FSD1L: variants seen among roughly 807,000 people sequenced by gnomAD.
The protein encoded by FSD1L is FSD1-like protein.
In FSD1L, 45 loss-of-function variants were observed where a neutral mutation model predicts 71.6. The observed-to-expected ratio is 0.63, with a 90% CI of 0.49 to 0.81. The LOEUF (loss-of-function observed/expected upper bound fraction) is 0.81. FSD1L is among the 30% of genes least tolerant of loss of function. The pLI is 0.00. For missense variants in FSD1L, 561 were observed against 618.1 expected, an observed-to-expected ratio of 0.91 and a Z score of 0.98; for synonymous variants, 197 against 207.2, an observed-to-expected ratio of 0.95 and a Z score of 0.42.
intron 12 of FSD1L, among the ~76,000 whole-genome samples, chr9:105,537,797 TG>T (rs563957265): frequency 4.5e-4 from 68 of 152,000 alleles, no homozygotes; most frequent in African/African-American, 1.6e-3. Context: ...CTGAGTCTCT[TG>T]TTAGCTATTA....
chr9:105,484,386 C>T lies in FSD1L; in HGVS notation c.470C>T (p.Thr157Ile). The change falls in exon 7 of 14, where the codon ACA becomes ATA. Residue 157 changes from threonine (T) to isoleucine (I), a missense_variant. By Grantham distance (89) the Thr-to-Ile change is moderately conservative. Coordinates refer to ENST00000481272, the MANE Select transcript of FSD1L (RefSeq NM_001145313.3). ...TATGTTTGTGTTTACCGTAGAGTCACAATGGCTTCAGCCTTTCGCCTTTCT... is the reference window on the plus strand; with the variant it reads ...TATGTTTGTGTTTACCGTAGAGTCATAATGGCTTCAGCCTTTCGCCTTTCT... ...KAARQIKDRV[T>I]MASAFRLSLK... The T allele has an allele frequency of 6.6e-7, 1 of 1,513,470 alleles. No individual in the cohort carries two copies. Among genetic ancestry groups the T allele is most frequent in the Non-Finnish European group, 8.8e-7 (1 of 1,133,054 alleles). The allele number at this position is 1,513,470 out of a possible 1,614,324, so 93.8% of individuals were successfully genotyped here. A position where few individuals can be genotyped will look rare whatever the true frequency, so the allele number is the denominator to read the frequency against.
At chr9:105,493,907 G>A (rs1254745690) in intron 7 of FSD1L, among the ~76,000 whole-genome samples, 9 of 152,256 alleles carry the variant, frequency 5.9e-5, no homozygotes, top group Admixed American at 2.6e-4. Flanking sequence ...TGGATAACCC[G>A]ACCTTTCTCT....
chr9:105,459,326 A>T (rs1267773761), intron 1 of FSD1L, among the ~76,000 whole-genome samples: 1 of 152,202 alleles, frequency 6.6e-6, no homozygotes, highest in African/African-American at 2.4e-5. Flanking sequence ...TCTACTGAGC[A>T]CCAAGTTCCT....
At chr9:105,532,942 G>A (rs2768283) in intron 10 of FSD1L, among the ~76,000 whole-genome samples, 103,200 of 151,982 alleles carry the variant, frequency 0.68, 35,391 homozygotes, top group African/African-American at 0.76. Context: ...AAGTCACTGA[G>A]TCATATGAAA....
At chr9:105,456,600 G>A (rs1158210072) in intron 1 of FSD1L, among the ~76,000 whole-genome samples, 1 of 152,180 alleles carries the variant, frequency 6.6e-6, no homozygotes, top group Non-Finnish European at 1.5e-5. Context: ...TGCTTGGCTA[G>A]GGTGTATATG....
intron 10 of FSD1L, chr9:105,525,730 A>G: frequency 1.2e-6 from 2 of 1,603,428 alleles, no homozygotes; most frequent in Non-Finnish European, 1.7e-6. Context: ...CATTCTCACC[A>G]ATACAGGAGG....
At chr9:105,521,462 T>C in intron 10 of FSD1L, 1 of 1,613,766 alleles carries the variant, frequency 6.2e-7, no homozygotes, top group Non-Finnish European at 8.5e-7. Context: ...TTTTTTCTTC[T>C]AAAAGGAGTA....
rs1837069393 is a variant in FSD1L, at chr9:105,547,399, AAATGTATATCACTC to A, written c.*920_*933del. 1.3e-5 allele frequency: 2 copies of A among 152,624 alleles called. No homozygotes were observed. The highest frequency in any genetic ancestry group is 2.9e-5 in the Non-Finnish European group (2 of 67,942). The allele number at this position is 152,624 out of a possible 1,614,324, so 9.5% of individuals were successfully genotyped here. ...TATTAAAGTTACATAGAGGATTGAA[AAATGTATATCACTC>A]AATTTTTATCTAAGAAGGATAGGTT... On this transcript the variant is annotated 3_prime_UTR_variant, in exon 14 of 14. Transcript: ENST00000481272.
At chr9:105,505,923 T>C (rs1473153547) in intron 7 of FSD1L, among the ~76,000 whole-genome samples, 1 of 152,234 alleles carries the variant, frequency 6.6e-6, no homozygotes, top group Non-Finnish European at 1.5e-5. Context: ...AAATTAATGT[T>C]CATACATTTT....
chr9:105,518,977 T>C (rs1027241382), intron 10 of FSD1L, among the ~76,000 whole-genome samples: 1 of 152,144 alleles, frequency 6.6e-6, no homozygotes, highest in Admixed American at 6.5e-5. Flanking sequence ...ATAGGGGATA[T>C]CACCATTGAT....
At position 105,448,098 on chromosome 9, in the gene FSD1L, G is replaced by A. The variant is rs940444235; in HGVS notation, c.-123G>A. On this transcript the variant is annotated 5_prime_UTR_variant, in exon 1 of 14. Coordinates refer to ENST00000481272, the MANE Select transcript of FSD1L (RefSeq NM_001145313.3). Reference sequence around the variant, plus strand: ...GGTCTGGGCGCGGACGGGTGGGGCCGGGCGGTGCCGGTGCGGGCTGGGGCA... The same window carrying A: ...GGTCTGGGCGCGGACGGGTGGGGCCAGGCGGTGCCGGTGCGGGCTGGGGCA... 9 of 1,114,688 alleles carry A rather than the reference G, an allele frequency of 8.1e-6. No homozygotes were observed. The African/African-American group carries it at 1.1e-4, about 14-fold the overall frequency. The allele number at this position is 1,114,688 out of a possible 1,614,324, so 69.0% of individuals were successfully genotyped here.
rs901664768 is a variant in FSD1L, at chr9:105,550,325, T to A, written c.*3842T>A. 2 of 152,068 alleles carry A rather than the reference T, an allele frequency of 1.3e-5. No homozygotes were observed. Among genetic ancestry groups the A allele is most frequent in the African/African-American group, 4.8e-5 (2 of 41,452 alleles). 9.4% of individuals were successfully genotyped at this position (152,068 alleles called of 1,614,324 possible). A position where few individuals can be genotyped will look rare whatever the true frequency, so the allele number is the denominator to read the frequency against. ...AATGGGCCTGAAAAAGTTTCTTCTT[T>A]GATTATGTAGTTACTCTAGATACAT... On this transcript the variant is annotated 3_prime_UTR_variant, in exon 14 of 14. Transcript: ENST00000481272.
chr9:105,531,516 C>T (rs1342566857), intron 10 of FSD1L, among the ~76,000 whole-genome samples: 1 of 152,186 alleles, frequency 6.6e-6, no homozygotes, highest in East Asian at 1.9e-4. Context: ...TAATGAAGAG[C>T]TAGTGTTCTC....
At chr9:105,508,469 G>C (rs7872377) in intron 8 of FSD1L, 148 bp from the exon 9 acceptor site, 1 of 545,156 alleles carries the variant, frequency 1.8e-6, no homozygotes, top group South Asian at 1.8e-5. Context: ...GAGCCACTGC[G>C]CCTGGCCCAC....
chr9:105,498,549 T>A (rs188819397), intron 7 of FSD1L, among the ~76,000 whole-genome samples: 1 of 152,262 alleles, frequency 6.6e-6, no homozygotes, highest in African/African-American at 2.4e-5. Flanking sequence ...ACAGTCAAAA[T>A]ATGGTATTGT....
At chr9:105,490,258 A>T (rs1384462334) in intron 7 of FSD1L, among the ~76,000 whole-genome samples, 2 of 152,176 alleles carry the variant, frequency 1.3e-5, no homozygotes, top group Non-Finnish European at 2.9e-5. Context: ...ATGGCCAGTG[A>T]TGGTGAGCAT....
In FSD1L at chr9:105,472,014, A is replaced by C; in HGVS notation, c.441+9A>C. ...CTGAAGAATTTTCAAAGGTACACAA[A>C]AACTGCATTAATACACTTAACAAGG... On this transcript the variant is annotated intron_variant, in intron 5 of 13. Coordinates refer to ENST00000481272, the MANE Select transcript of FSD1L (RefSeq NM_001145313.3). 7.0e-7 allele frequency: 1 copy of C among 1,422,934 alleles called. No individual in the cohort carries two copies. The highest frequency in any genetic ancestry group is 9.2e-7 in the Non-Finnish European group (1 of 1,085,252). 88.1% of individuals were successfully genotyped at this position (1,422,934 alleles called of 1,614,324 possible). A position where few individuals can be genotyped will look rare whatever the true frequency, so the allele number is the denominator to read the frequency against.
Position 105,548,139 on chromosome 9 carries a change from CT to C in FSD1L, c.*1657del, listed in dbSNP as rs1294878541. 1 of 152,092 alleles carries C rather than the reference CT, an allele frequency of 6.6e-6. No individual in the cohort carries two copies. Among genetic ancestry groups the C allele is most frequent in the African/African-American group, 2.4e-5 (1 of 41,436 alleles). 9.4% of individuals were successfully genotyped at this position (152,092 alleles called of 1,614,324 possible). A position where few individuals can be genotyped will look rare whatever the true frequency, so the allele number is the denominator to read the frequency against. On this transcript the variant is annotated 3_prime_UTR_variant, in exon 14 of 14. Transcript: ENST00000481272. ...GATGACATGTTGGTAATTTTAAAGA[CT>C]GCAAGGCAGTTTAGAGAATGAAGTA...
At chr9:105,524,786 A>G (rs1835403743) in intron 10 of FSD1L, 2 of 1,595,844 alleles carry the variant, frequency 1.3e-6, no homozygotes, top group Admixed American at 1.7e-5. Flanking sequence ...CTGTTATTAC[A>G]CATCTGGTAA....
Sources: allele counts gnomAD v4.1 joint callset (sites outside exome capture counted in the v4.1 genomes callset), GRCh38; gene constraint gnomAD v4.1.1; transcripts MANE v1.5; gene names NCBI Gene and HGNC (gene_info 2026-07-23, HGNC 2026-07-21).